Variants in CSMD1 observed in about 807,000 individuals in gnomAD.
The protein encoded by CSMD1 is CUB and sushi domain-containing protein 1.
CSMD1 carries 213 observed loss-of-function variants against 417.5 expected under a neutral mutation model. That is an observed-to-expected ratio of 0.51 (90% confidence interval 0.46 to 0.57). CSMD1 has a LOEUF of 0.57. Ranked by LOEUF, CSMD1 falls within the 20% of genes least tolerant of loss-of-function variation. The pLI is 0.00. For synonymous variants in CSMD1, 2,862 were observed against 1,736.8 expected (o/e 1.65, Z -16.11); for missense variants, 6,923 against 4,529.7 (o/e 1.53, Z -15.17).
chr8:4,332,682 G>A (rs1799941392), intron 3 of CSMD1, among the ~76,000 whole-genome samples: 2 of 151,612 alleles, frequency 1.3e-5, no homozygotes, highest in African/African-American at 2.4e-5. Flanking sequence ...TGGCACCCCT[G>A]GGGGAATATT....
chr8:4,136,617 A>G (rs1175311416), intron 3 of CSMD1, among the ~76,000 whole-genome samples: 2 of 152,230 alleles, frequency 1.3e-5, no homozygotes, highest in Admixed American at 6.5e-5. Context: ...GAGGTTGAAT[A>G]TATTTCCATA....
At chr8:3,565,874 C>G (rs1009219216) in intron 10 of CSMD1, among the ~76,000 whole-genome samples, 2 of 151,990 alleles carry the variant, frequency 1.3e-5, no homozygotes, top group African/African-American at 4.8e-5. Context: ...TTCATATCAT[C>G]TTTCATAGTT....
At chr8:3,518,683 C>T (rs1400538743) in intron 10 of CSMD1, among the ~76,000 whole-genome samples, 1 of 151,886 alleles carries the variant, frequency 6.6e-6, no homozygotes, top group Non-Finnish European at 1.5e-5. Context: ...CTAATCATGC[C>T]CCAAAGAATA....
chr8:3,515,017 T>G (rs923430330), intron 10 of CSMD1, among the ~76,000 whole-genome samples: 2 of 152,190 alleles, frequency 1.3e-5, no homozygotes, highest in African/African-American at 4.8e-5. Context: ...AGCCTAACAT[T>G]TAATCAAATT....
chr8:3,398,967 C>T (rs1027759166), intron 16 of CSMD1, among the ~76,000 whole-genome samples: 1 of 152,172 alleles, frequency 6.6e-6, no homozygotes, highest in Non-Finnish European at 1.5e-5. Context: ...CGCTCAGCAT[C>T]ACTAGCTGCC....
intron 3 of CSMD1, among the ~76,000 whole-genome samples, chr8:4,303,120 A>T (rs1176629491): frequency 6.6e-6 from 1 of 152,136 alleles, no homozygotes; most frequent in African/African-American, 2.4e-5. Flanking sequence ...TAAAATAAGG[A>T]CATTATGATT....
At chr8:3,621,836 TG>T (rs1397124336) in intron 7 of CSMD1, among the ~76,000 whole-genome samples, 7 of 152,012 alleles carry the variant, frequency 4.6e-5, no homozygotes, top group Non-Finnish European at 1.5e-5. Flanking sequence ...CTCAAACTCC[TG>T]GGCTCAAACA....
At chr8:3,525,165 TC>T in intron 10 of CSMD1, among the ~76,000 whole-genome samples, 1 of 152,164 alleles carries the variant, frequency 6.6e-6, no homozygotes, top group East Asian at 1.9e-4. Flanking sequence ...AGTAGGGTCT[TC>T]TTGTCTGTGT....
chr8:4,705,658 C>A (rs1028209338), intron 1 of CSMD1, among the ~76,000 whole-genome samples: 1 of 152,128 alleles, frequency 6.6e-6, no homozygotes, highest in South Asian at 2.1e-4. Context: ...CTTTCCGGCC[C>A]TTGTATCTCG....
At chr8:4,641,785 G>A (rs968385079) in intron 1 of CSMD1, among the ~76,000 whole-genome samples, 1 of 152,082 alleles carries the variant, frequency 6.6e-6, no homozygotes, top group Admixed American at 6.5e-5. Context: ...CAGACATTCG[G>A]AAAATCTAGA....
At chr8:3,486,699 T>A (rs1818054686) in intron 11 of CSMD1, among the ~76,000 whole-genome samples, 1 of 152,246 alleles carries the variant, frequency 6.6e-6, no homozygotes, top group African/African-American at 2.4e-5. Context: ...CTGTGGGACC[T>A]ATGGCTTCTT....
chr8:3,568,293 T>G (rs1799801383), intron 10 of CSMD1, among the ~76,000 whole-genome samples: 1 of 152,196 alleles, frequency 6.6e-6, no homozygotes, highest in Non-Finnish European at 1.5e-5. Context: ...CAGATCCATG[T>G]GTGCTGTTGT....
At chr8:3,528,986 C>G (rs891247050) in intron 10 of CSMD1, among the ~76,000 whole-genome samples, 1 of 152,278 alleles carries the variant, frequency 6.6e-6, no homozygotes, top group Non-Finnish European at 1.5e-5. Flanking sequence ...TACATTTATA[C>G]TGACATATTT....
chr8:4,050,554 T>G lies in CSMD1; in HGVS notation c.416-18455A>C, dbSNP rs137865392. ...ATCTTTAAGCATTTATTCTTCATGT[T>G]ACAAACAATCTAATCATACTACTTT... On this transcript the variant is annotated intron_variant, in intron 3 of 69. Coordinates refer to ENST00000635120, the MANE Select transcript of CSMD1 (RefSeq NM_033225.6). 3.1e-3 allele frequency among the ~76,000 whole-genome samples: 472 copies of G among 152,262 alleles called. 14 individuals carry two copies. In the East Asian group the frequency reaches 0.059, roughly 19 times the overall value.
chr8:4,747,705 T>C (rs1194229830), intron 1 of CSMD1, among the ~76,000 whole-genome samples: 2 of 152,148 alleles, frequency 1.3e-5, no homozygotes, highest in African/African-American at 2.4e-5. Flanking sequence ...CCTACCATCA[T>C]CCTGGTCTCT....
chr8:3,040,696 G>A (rs1005575278), intron 50 of CSMD1, among the ~76,000 whole-genome samples: 3 of 152,030 alleles, frequency 2.0e-5, no homozygotes, highest in African/African-American at 7.2e-5. Context: ...CCAGCCACTC[G>A]GGAGGCTGAG....
At chr8:4,661,163 TG>T (rs1442377296) in intron 1 of CSMD1, among the ~76,000 whole-genome samples, 1 of 152,148 alleles carries the variant, frequency 6.6e-6, no homozygotes, top group African/African-American at 2.4e-5. Context: ...AACCTGCACA[TG>T]AAATTTTATA....
chr8:4,174,586 A>G (rs1368549864), intron 3 of CSMD1, among the ~76,000 whole-genome samples: 1 of 150,354 alleles, frequency 6.7e-6, no homozygotes, highest in Non-Finnish European at 1.5e-5. Context: ...TGGCTGGGAT[A>G]CACAATGTCT....
chr8:3,001,499 A>T (rs1447776230), intron 52 of CSMD1, among the ~76,000 whole-genome samples: 1 of 152,206 alleles, frequency 6.6e-6, no homozygotes, highest in East Asian at 1.9e-4. Flanking sequence ...GAGTCACAAG[A>T]AGAGGAAAAA....
Sources: allele counts gnomAD v4.1 joint callset (sites outside exome capture counted in the v4.1 genomes callset), GRCh38; gene constraint gnomAD v4.1.1; transcripts MANE v1.5; gene names NCBI Gene and HGNC (gene_info 2026-07-23, HGNC 2026-07-21).